ERBB4: variants seen among roughly 807,000 people sequenced by gnomAD.
ERBB4 encodes erb-b2 receptor tyrosine kinase 4.
In ERBB4, 42 loss-of-function variants were observed where a neutral mutation model predicts 158.0. The ratio of observed to expected loss-of-function variants is 0.27; its 90% CI spans 0.21 to 0.34. ERBB4 has a LOEUF of 0.34. Among genes scored for constraint, ERBB4 ranks in the 10% least tolerant of loss-of-function variants. The pLI is 1.00. For missense variants in ERBB4, 1,333 were observed against 1,624.1 expected (o/e 0.82, Z 3.08); for synonymous variants, 583 against 558.7 (o/e 1.04, Z -0.61).
chr2:211,741,046 A>C (rs546684093), intron 5 of ERBB4, among the ~76,000 whole-genome samples: 3 of 152,318 alleles, frequency 2.0e-5, no homozygotes, highest in East Asian at 1.9e-4. Context: ...GTGGTATGTA[A>C]GTGCTTGCTT....
At chr2:211,516,946 C>G (rs1365396835) in intron 20 of ERBB4, among the ~76,000 whole-genome samples, 1 of 152,112 alleles carries the variant, frequency 6.6e-6, no homozygotes, top group African/African-American at 2.4e-5. Context: ...CCAATTCTTT[C>G]CCACCATCAG....
At chr2:212,055,876 C>T (rs1205919149) in intron 2 of ERBB4, among the ~76,000 whole-genome samples, 1 of 152,238 alleles carries the variant, frequency 6.6e-6, no homozygotes. Context: ...ACCACCTCTC[C>T]CCGTCCAAAG....
intron 19 of ERBB4, among the ~76,000 whole-genome samples, chr2:211,608,251 AG>A (rs1418425883): frequency 6.6e-6 from 1 of 152,188 alleles, no homozygotes; most frequent in Non-Finnish European, 1.5e-5. Context: ...TGCAGCGGGC[AG>A]CTGAAGGAAA....
At chr2:211,680,676 C>T (rs563117736) in intron 12 of ERBB4, among the ~76,000 whole-genome samples, 1 of 152,238 alleles carries the variant, frequency 6.6e-6, no homozygotes, top group South Asian at 2.1e-4. Flanking sequence ...AACAAATATT[C>T]CAATTCATAT....
chr2:211,636,380 T>G (rs1239964726), intron 16 of ERBB4, among the ~76,000 whole-genome samples: 1 of 152,014 alleles, frequency 6.6e-6, no homozygotes, highest in East Asian at 1.9e-4. Flanking sequence ...CTCTATCAAA[T>G]AGCTTAAATA....
At chr2:212,158,314 C>T (rs565351502) in intron 1 of ERBB4, among the ~76,000 whole-genome samples, 11 of 151,902 alleles carry the variant, frequency 7.2e-5, no homozygotes, top group Non-Finnish European at 1.6e-4. Context: ...TCACTAGCTA[C>T]CAACTTGTGA....
chr2:211,971,264 C>T (rs1287211035), intron 2 of ERBB4, among the ~76,000 whole-genome samples: 3 of 152,106 alleles, frequency 2.0e-5, no homozygotes, highest in Non-Finnish European at 2.9e-5. Flanking sequence ...TGACTGGCTT[C>T]CCTTGGTAGT....
At chr2:211,985,250 T>C (rs1241348680) in intron 2 of ERBB4, among the ~76,000 whole-genome samples, 1 of 151,874 alleles carries the variant, frequency 6.6e-6, no homozygotes, top group African/African-American at 2.4e-5. Context: ...CTGAATGTGA[T>C]AGACTGAAGA....
intron 3 of ERBB4, among the ~76,000 whole-genome samples, chr2:211,852,712 T>C (rs942295600): frequency 1.3e-5 from 2 of 151,200 alleles, no homozygotes; most frequent in South Asian, 4.2e-4. Context: ...CTTTTTTTTT[T>C]CCTAATGGCC....
At chr2:211,668,408 T>A (rs1242091499) in intron 14 of ERBB4, among the ~76,000 whole-genome samples, 1 of 152,224 alleles carries the variant, frequency 6.6e-6, no homozygotes, top group Non-Finnish European at 1.5e-5. Flanking sequence ...TAATGTTTAC[T>A]CTTCTTTCAT....
At chr2:211,708,246 G>A (rs2073526150) in intron 9 of ERBB4, among the ~76,000 whole-genome samples, 1 of 151,950 alleles carries the variant, frequency 6.6e-6, no homozygotes, top group Non-Finnish European at 1.5e-5. Context: ...GTTTCATGCT[G>A]GCATGACAGT....
intron 7 of ERBB4, among the ~76,000 whole-genome samples, chr2:211,720,207 C>T (rs1281829234): frequency 6.6e-6 from 1 of 152,198 alleles, no homozygotes; most frequent in Non-Finnish European, 1.5e-5. Flanking sequence ...ACTGAGGATG[C>T]AAGCTTTTGC....
chr2:211,639,671 A>G (rs1023892608), intron 16 of ERBB4, among the ~76,000 whole-genome samples: 7 of 152,204 alleles, frequency 4.6e-5, no homozygotes, highest in Admixed American at 3.3e-4. Context: ...TGTCATGCTT[A>G]TTGTACACAA....
intron 20 of ERBB4, among the ~76,000 whole-genome samples, chr2:211,542,751 A>C (rs2066844245): frequency 6.6e-6 from 1 of 151,934 alleles, no homozygotes; most frequent in Non-Finnish European, 1.5e-5. Context: ...TTAAATAAAC[A>C]AGGATAAATT....
intron 2 of ERBB4, among the ~76,000 whole-genome samples, chr2:212,087,487 T>C (rs974472139): frequency 2.0e-5 from 3 of 152,092 alleles, no homozygotes; most frequent in Non-Finnish European, 4.4e-5. Context: ...TCCTGGCACA[T>C]AGTAAGTGCT....
intron 1 of ERBB4, among the ~76,000 whole-genome samples, chr2:212,327,508 G>A (rs11897313): frequency 0.031 from 4,726 of 151,884 alleles, 244 homozygotes; most frequent in African/African-American, 0.11. Context: ...AGTGCTCAAG[G>A]CAGCTCCAGA....
At chr2:212,300,963 A>T (rs1043178205) in intron 1 of ERBB4, among the ~76,000 whole-genome samples, 3 of 151,564 alleles carry the variant, frequency 2.0e-5, no homozygotes, top group Non-Finnish European at 4.4e-5. Context: ...ATTCAAAAAG[A>T]TGTCTGGAAA....
At position 211,825,779 on chromosome 2, in the gene ERBB4, TTAA is replaced by T. The variant is rs1255605522; in HGVS notation, c.422-37623_422-37621del. ...GTCATTATATATATATTATATATTA[TTAA>T]TAATATATCAATGATATATTTATAT... On this transcript the variant is annotated intron_variant, in intron 3 of 27. Transcript: ENST00000342788. Among the ~76,000 whole-genome samples the T allele has an allele frequency of 1.2e-4, 18 of 147,566 alleles. No individual in the cohort carries two copies. In the South Asian group the frequency reaches 3.6e-3, roughly 29 times the overall value.
At chr2:211,917,564 G>A (rs1341294948) in intron 3 of ERBB4, among the ~76,000 whole-genome samples, 1 of 152,100 alleles carries the variant, frequency 6.6e-6, no homozygotes, top group Non-Finnish European at 1.5e-5. Context: ...AAAGAAGTCT[G>A]GTGCCAGAAC....
Sources: gnomAD v4.1 joint callset for allele counts (sites outside exome capture counted in the v4.1 genomes callset) on GRCh38, gnomAD v4.1.1 for gene constraint, MANE v1.5 for transcripts, NCBI Gene and HGNC (gene_info 2026-07-23, HGNC 2026-07-21) for gene names.